The following CACNA1C variants were observed in gnomAD, a reference collection of about 807,000 sequenced individuals.
CACNA1C encodes the protein voltage-dependent L-type calcium channel subunit alpha-1C.
In CACNA1C, 30 loss-of-function variants were observed where a neutral mutation model predicts 229.0. The observed-to-expected ratio is 0.13, with a 90% CI of 0.10 to 0.18. CACNA1C has a LOEUF of 0.18. Among genes scored for constraint, CACNA1C ranks in the 10% least tolerant of loss-of-function variants. CACNA1C has a pLI of 1.00. For synonymous variants in CACNA1C, 1,114 were observed against 1,132.5 expected, an observed-to-expected ratio of 0.98 and a Z score of 0.33; for missense variants, 1,658 against 2,845.0, an observed-to-expected ratio of 0.58 and a Z score of 9.49.
intron 3 of CACNA1C, among the ~76,000 whole-genome samples, chr12:2,221,255 G>A (rs556552349): frequency 1.3e-5 from 2 of 152,338 alleles, no homozygotes; most frequent in African/African-American, 4.8e-5. Context: ...ATCATGACTG[G>A]TAGGGAGGGT....
chr12:2,070,092 A>G (rs2060658199), intron 1 of CACNA1C, among the ~76,000 whole-genome samples: 2 of 152,122 alleles, frequency 1.3e-5, no homozygotes, highest in African/African-American at 4.8e-5. Context: ...GGCTTGAGCC[A>G]CCATGCCCAG....
chr12:2,195,210 G>A (rs923423125), intron 3 of CACNA1C, among the ~76,000 whole-genome samples: 12 of 152,180 alleles, frequency 7.9e-5, no homozygotes, highest in Non-Finnish European at 1.6e-4. Flanking sequence ...ATGAGGAGTG[G>A]GTTTTAGTGT....
chr12:2,366,304 T>C (rs1372274095), intron 3 of CACNA1C, among the ~76,000 whole-genome samples: 1 of 152,212 alleles, frequency 6.6e-6, no homozygotes, highest in Non-Finnish European at 1.5e-5. Context: ...TTACAACTCT[T>C]ATCAACTTTA....
chr12:2,653,492 G>A lies in CACNA1C; in HGVS notation c.4075-343G>A, dbSNP rs2095226326. On this transcript the variant is annotated intron_variant, in intron 32 of 46. Coordinates refer to ENST00000399655, the MANE Select transcript of CACNA1C (RefSeq NM_000719.7). The surrounding 1 kb of genome is among the most constrained non-coding windows in gnomAD (Gnocchi z 4.7). ...TCCTCCACAGGTAACCACAGTCAGCGGGGTGCTGTCCTCCACGATTTCTCC... is the reference window on the plus strand; with the variant it reads ...TCCTCCACAGGTAACCACAGTCAGCAGGGTGCTGTCCTCCACGATTTCTCC... Among the ~76,000 whole-genome samples the A allele has an allele frequency of 6.6e-6, 1 of 152,198 alleles. No homozygotes were observed. The highest frequency in any genetic ancestry group is 6.5e-5 in the Admixed American group (1 of 15,286).
intron 3 of CACNA1C, among the ~76,000 whole-genome samples, chr12:2,204,948 A>T (rs867629589): frequency 9.2e-5 from 12 of 130,776 alleles, no homozygotes; most frequent in East Asian, 2.3e-4. Context: ...AAAAAAAAAT[A>T]AATTAATTAA....
intron 3 of CACNA1C, among the ~76,000 whole-genome samples, chr12:2,320,350 G>A (rs1048514334): frequency 6.6e-6 from 1 of 152,174 alleles, no homozygotes; most frequent in African/African-American, 2.4e-5. Flanking sequence ...TGTATTTGTT[G>A]AATATGTATG....
chr12:2,388,199 TAG>T (rs1291084045), intron 3 of CACNA1C, among the ~76,000 whole-genome samples: 1 of 152,192 alleles, frequency 6.6e-6, no homozygotes, highest in Non-Finnish European at 1.5e-5. Context: ...GAGTAAGTTC[TAG>T]AAAACAAATG....
intron 7 of CACNA1C, among the ~76,000 whole-genome samples, chr12:2,495,829 C>G (rs1376610998): frequency 6.6e-6 from 1 of 152,210 alleles, no homozygotes; most frequent in African/African-American, 2.4e-5. Context: ...AGTGTGTATA[C>G]ACACACGTGC....
At chr12:2,091,178 C>G (rs1258587938) in intron 1 of CACNA1C, among the ~76,000 whole-genome samples, 1 of 152,220 alleles carries the variant, frequency 6.6e-6, no homozygotes, top group African/African-American at 2.4e-5. Flanking sequence ...AGGGGCTTCT[C>G]CCTCTGCAAG....
At chr12:2,553,198 G>A (rs964564510) in intron 10 of CACNA1C, among the ~76,000 whole-genome samples, 5 of 152,198 alleles carry the variant, frequency 3.3e-5, no homozygotes, top group African/African-American at 1.2e-4. Flanking sequence ...CTGGGAAAAA[G>A]AAGGGTCAGA....
chr12:2,602,364 T>C lies in CACNA1C; in HGVS notation c.2960+404T>C, dbSNP rs2072877546. 6.6e-6 allele frequency among the ~76,000 whole-genome samples: 1 copy of C among 152,096 alleles called. No homozygotes were observed. Among genetic ancestry groups the C allele is most frequent in the Non-Finnish European group, 1.5e-5 (1 of 68,030 alleles). ...CTTCTCCCTTTCTCTCCCCTCTCTC[T>C]CCAGCCAAAGCACCTCATGTATGAG... On this transcript the variant is annotated intron_variant, in intron 22 of 46. Transcript: ENST00000399655. This position sits in a 1 kb window ranked among gnomAD's most constrained non-coding sequence, Gnocchi z 4.4.
intron 11 of CACNA1C, 132 bp downstream of exon 11, chr12:2,557,109 C>T (rs1056895248): frequency 4.4e-6 from 3 of 686,940 alleles, no homozygotes; most frequent in Non-Finnish European, 7.8e-6. Context: ...GGGGTAACTA[C>T]TTTCTGTATG....
chr12:2,118,748 C>CACA (rs746958517), intron 2 of CACNA1C, among the ~76,000 whole-genome samples: 36 of 152,180 alleles, frequency 2.4e-4, no homozygotes, highest in Non-Finnish European at 4.1e-4. Context: ...CCTCATCCAA[C>CACA]ACAAGGGCAG....
At chr12:2,276,291 G>A (rs750822009) in intron 3 of CACNA1C, among the ~76,000 whole-genome samples, 1 of 152,188 alleles carries the variant, frequency 6.6e-6, no homozygotes, top group Non-Finnish European at 1.5e-5. Context: ...TTTCAGGATT[G>A]GAGCAGACAG....
At chr12:2,377,738 A>G (rs563497005) in intron 3 of CACNA1C, among the ~76,000 whole-genome samples, 1 of 152,294 alleles carries the variant, frequency 6.6e-6, no homozygotes, top group South Asian at 2.1e-4. Flanking sequence ...GTTCACAAGA[A>G]TGTTGTGGCT....
At chr12:2,450,531 G>T (rs1430611700) in intron 4 of CACNA1C, among the ~76,000 whole-genome samples, 1 of 108,160 alleles carries the variant, frequency 9.2e-6, no homozygotes, top group East Asian at 3.1e-4. Flanking sequence ...TCCAGCCTGG[G>T]CAACAGAGCG....
chr12:2,256,819 A>T (rs1462094991), intron 3 of CACNA1C, among the ~76,000 whole-genome samples: 1 of 152,210 alleles, frequency 6.6e-6, no homozygotes, highest in Non-Finnish European at 1.5e-5. Context: ...TTTGATTAAA[A>T]CACTCCACAG....
chr12:2,204,951 TTAATTAAAA>T (rs1318265160), intron 3 of CACNA1C, among the ~76,000 whole-genome samples: 4 of 67,518 alleles, frequency 5.9e-5, no homozygotes, highest in Admixed American at 1.6e-4. Context: ...AAAAAATAAA[TTAATTAAAA>T]AAAACAAAAA....
At position 2,115,467 on chromosome 12, in the gene CACNA1C, C is replaced by T. The variant is rs1461417258; in HGVS notation, c.293C>T (p.Thr98Ile). ...KPKKQGSTTA[T>I]RPPRALLCLT... ...AAGAAGCAGGGCAGCACCACGGCCA[C>T]ACGCCCGCCCCGAGCCCTGCTCTGC... is the stretch of plus-strand genomic sequence containing the variant. Residue 98 changes from threonine (T) to isoleucine (I), a missense_variant, in exon 2 of 47, where the codon ACA becomes ATA. Coordinates refer to ENST00000399655, the MANE Select transcript of CACNA1C (RefSeq NM_000719.7). 6.2e-7 allele frequency: 1 copy of T among 1,613,410 alleles called. No individual in the cohort carries two copies. Among genetic ancestry groups the T allele is most frequent in the South Asian group, 1.1e-5 (1 of 91,088 alleles).
Sources: gnomAD v4.1 joint callset for allele counts (sites outside exome capture counted in the v4.1 genomes callset) on GRCh38, gnomAD v4.1.1 for gene constraint, Gnocchi (gnomAD v3.1) non-coding constraint, MANE v1.5 for transcripts, NCBI Gene and HGNC (gene_info 2026-07-23, HGNC 2026-07-21) for gene names.